Variants in ANK2 observed in about 807,000 individuals in gnomAD.
The protein encoded by ANK2 is ankyrin-2.
Under a neutral mutation model 360.5 loss-of-function variants are expected in ANK2, and 83 were observed. The ratio of observed to expected loss-of-function variants is 0.23; its 90% CI spans 0.19 to 0.28. The LOEUF is 0.28. Among genes scored for constraint, ANK2 ranks in the 10% least tolerant of loss-of-function variants. ANK2 has a pLI of 1.00. For missense variants in ANK2, 4,201 were observed against 4,795.7 expected (o/e 0.88, Z 3.66); for synonymous variants, 1,740 against 1,759.5 (o/e 0.99, Z 0.28).
intron 1 of ANK2, among the ~76,000 whole-genome samples, chr4:113,071,240 G>T (rs1301012903): frequency 1.3e-5 from 2 of 152,168 alleles, no homozygotes; most frequent in Non-Finnish European, 2.9e-5. Flanking sequence ...TTTCAGCCAG[G>T]ATAGGTACAA....
At chr4:112,964,547 A>G (rs1056003530) in intron 2 of ANK2, among the ~76,000 whole-genome samples, 2 of 149,662 alleles carry the variant, frequency 1.3e-5, no homozygotes, top group African/African-American at 4.9e-5. Flanking sequence ...CTTTTTGTAT[A>G]TGTACCACAT....
At chr4:113,131,906 A>G (rs1357289533) in intron 1 of ANK2, among the ~76,000 whole-genome samples, 2 of 152,218 alleles carry the variant, frequency 1.3e-5, no homozygotes, top group African/African-American at 4.8e-5. Context: ...ATAAGAGTGA[A>G]ATGTATAGAC....
chr4:112,785,400 GTCTTGCTC>G, the ANK2 span, among the ~76,000 whole-genome samples: 2 of 151,052 alleles, frequency 1.3e-5, no homozygotes, highest in Non-Finnish European at 2.9e-5. Flanking sequence ...TTGAGACGGA[GTCTTGCTC>G]TGTCACCCAG....
At chr4:113,039,365 T>C (rs925286840) in intron 2 of ANK2, among the ~76,000 whole-genome samples, 1 of 152,096 alleles carries the variant, frequency 6.6e-6, no homozygotes, top group Non-Finnish European at 1.5e-5. Flanking sequence ...TTTTTTGCCT[T>C]CTTCTCCTTT....
At chr4:113,081,304 G>A (rs1420694777) in intron 1 of ANK2, among the ~76,000 whole-genome samples, 3 of 152,168 alleles carry the variant, frequency 2.0e-5, no homozygotes, top group Admixed American at 6.5e-5. Context: ...TTTGAAAGGA[G>A]TACCTCTAAA....
In ANK2 at chr4:113,367,733, G is replaced by T. The variant is rs767353282; in HGVS notation, c.11200G>T (p.Asp3734Tyr). Residue 3734 changes from aspartate (D) to tyrosine (Y), a missense_variant, in exon 42 of 46, where the codon GAC becomes TAC. This residue lies in a region of ANK2 where 2,642 missense variants were observed against 2,714.5 expected (regional missense o/e 0.97). Transcript: ENST00000357077. ...GGATGGCGTCCCCAAAACTGAGGGG[G>T]ACAGCTCAGCAACAGCACTCTTTCC... ...FQDGVPKTEG[D>Y]SSATALFPQT... 1.2e-6 allele frequency: 2 copies of T among 1,613,360 alleles called. No individual in the cohort carries two copies. Among genetic ancestry groups the T allele is most frequent in the Non-Finnish European group, 1.7e-6 (2 of 1,179,796 alleles).
At chr4:112,974,032 C>T (rs1423050420) in intron 2 of ANK2, among the ~76,000 whole-genome samples, 1 of 152,194 alleles carries the variant, frequency 6.6e-6, no homozygotes, top group Non-Finnish European at 1.5e-5. Flanking sequence ...TTGTTTGCAG[C>T]ATCAGTCAGC....
At chr4:113,378,188 G>A (rs1166201661) in intron 45 of ANK2, 1 of 1,233,028 alleles carries the variant, frequency 8.1e-7, no homozygotes, top group Admixed American at 2.3e-5. Context: ...AAAGGTTTGG[G>A]TTAGCATGGG....
intron 2 of ANK2, among the ~76,000 whole-genome samples, chr4:113,013,907 CA>C (rs2055641011): frequency 2.0e-5 from 2 of 97,762 alleles, no homozygotes; most frequent in African/African-American, 5.7e-5. Flanking sequence ...TTAAAATCAG[CA>C]TTTTTTTTTT....
At chr4:113,102,499 T>G (rs527845848) in intron 1 of ANK2, among the ~76,000 whole-genome samples, 2 of 152,018 alleles carry the variant, frequency 1.3e-5, no homozygotes, top group Non-Finnish European at 2.9e-5. Context: ...GTGGGGCGCA[T>G]GTATAGGCTA....
rs1055081049 is a variant in ANK2, at chr4:113,382,909, A to T, written c.*1438A>T. ...TGGAAACTCTTAAGTGCATTTGTGC[A>T]CTTCTGTTTGTTTGTCTCAAAGAAG... On this transcript the variant is annotated 3_prime_UTR_variant, in exon 46 of 46. Transcript: ENST00000357077. 6.6e-6 allele frequency: 1 copy of T among 152,494 alleles called. No homozygotes were observed. The highest frequency in any genetic ancestry group is 2.4e-5 in the African/African-American group (1 of 41,434). The allele number at this position is 152,494 out of a possible 1,614,324, so 9.4% of individuals were successfully genotyped here. A position where few individuals can be genotyped will look rare whatever the true frequency, so the allele number is the denominator to read the frequency against.
intron 1 of ANK2, among the ~76,000 whole-genome samples, chr4:113,085,042 A>C (rs932192288): frequency 1.3e-5 from 2 of 152,178 alleles, no homozygotes; most frequent in African/African-American, 2.4e-5. Context: ...TCTCATTGTA[A>C]TCCTGTAATG....
chr4:113,272,712 G>T (rs2058985434), intron 14 of ANK2, among the ~76,000 whole-genome samples: 1 of 152,102 alleles, frequency 6.6e-6, no homozygotes, highest in South Asian at 2.1e-4. Context: ...GCTACCTCTA[G>T]TCAATGATTG....
intron 5 of ANK2, among the ~76,000 whole-genome samples, chr4:113,233,556 A>G (rs1218846064): frequency 6.6e-6 from 1 of 152,168 alleles, no homozygotes; most frequent in Non-Finnish European, 1.5e-5. Flanking sequence ...TTAATGTCTA[A>G]TATGGCTTCC....
intron 1 of ANK2, among the ~76,000 whole-genome samples, chr4:113,146,490 G>A (rs543948994): frequency 1.3e-5 from 2 of 152,294 alleles, no homozygotes; most frequent in South Asian, 4.1e-4. Flanking sequence ...TAACTTCAGT[G>A]AAGAGGTCCT....
intron 45 of ANK2, among the ~76,000 whole-genome samples, chr4:113,379,491 C>G (rs772875523): frequency 1.3e-5 from 2 of 152,276 alleles, no homozygotes; most frequent in East Asian, 3.9e-4. Flanking sequence ...CTACATTTGC[C>G]TACACAGAAT....
chr4:112,964,054 T>A (rs1034610853), intron 2 of ANK2, among the ~76,000 whole-genome samples: 3 of 150,880 alleles, frequency 2.0e-5, no homozygotes, highest in Non-Finnish European at 4.4e-5. Context: ...CACCCTATTA[T>A]TTCCAGATGA....
chr4:112,994,236 A>G (rs2047784984), intron 2 of ANK2, among the ~76,000 whole-genome samples: 1 of 152,168 alleles, frequency 6.6e-6, no homozygotes, highest in Non-Finnish European at 1.5e-5. Flanking sequence ...CCAACAGTCA[A>G]CTGATTTTCT....
rs1420943025 is a variant in ANK2 at position 112,945,744 on chromosome 4, T to C, written c.21+41230T>C. Among the ~76,000 whole-genome samples the C allele has an allele frequency of 3.3e-5, 5 of 152,194 alleles. No homozygotes were observed. The East Asian group carries it at 7.7e-4, about 23-fold the overall frequency. The stretch of plus-strand genomic sequence containing the variant: ...AAATATAACCATATAGTCTTTATCA[T>C]GAGTGATGGTTGTCTTATAATGCCC... On this transcript the variant is annotated intron_variant, in intron 2 of 30. Coordinates refer to the ANK2 transcript ENST00000503271.
Sources: gnomAD v4.1 joint callset for allele counts (sites outside exome capture counted in the v4.1 genomes callset) on GRCh38, gnomAD v4.1.1 for gene constraint, gnomAD v4.1.1 regional missense constraint, MANE v1.5 for transcripts, NCBI Gene and HGNC (gene_info 2026-07-23, HGNC 2026-07-21) for gene names.